ATG5: variants seen among roughly 807,000 people sequenced by gnomAD.
ATG5 encodes autophagy related 5.
ATG5 carries 14 observed loss-of-function variants against 36.5 expected under a neutral mutation model. That is an observed-to-expected ratio of 0.38 (90% CI 0.25 to 0.60). The LOEUF (loss-of-function observed/expected upper bound fraction) is 0.60, where lower values mean the gene tolerates loss of function less well. Ranked by LOEUF, ATG5 falls within the 20% of genes least tolerant of loss-of-function variation. The pLI is 0.60. For synonymous variants in ATG5, 95 were observed against 101.5 expected (o/e 0.94, Z 0.38); for missense variants, 195 against 326.7 (o/e 0.60, Z 3.11).
intron 6 of ATG5, among the ~76,000 whole-genome samples, chr6:106,232,973 C>T (rs1007165857): frequency 6.6e-6 from 1 of 152,190 alleles, no homozygotes; most frequent in African/African-American, 2.4e-5. Flanking sequence ...GGATAGCCCC[C>T]ATCTATTTGG....
intron 6 of ATG5, among the ~76,000 whole-genome samples, chr6:106,209,347 A>T (rs942444886): frequency 1.3e-5 from 2 of 152,244 alleles, no homozygotes; most frequent in African/African-American, 4.8e-5. Context: ...CTACTCAGCA[A>T]TAAAAAGGAA....
intron 5 of ATG5, among the ~76,000 whole-genome samples, chr6:106,260,439 T>G (rs1190034111): frequency 6.6e-6 from 1 of 152,204 alleles, no homozygotes; most frequent in Admixed American, 6.5e-5. Context: ...CTCCAGGAAC[T>G]TAAGCATAGT....
chr6:106,200,951 A>G (rs1434915180), intron 7 of ATG5, among the ~76,000 whole-genome samples: 1 of 152,168 alleles, frequency 6.6e-6, no homozygotes, highest in Admixed American at 6.6e-5. Flanking sequence ...CCCTGAGGAT[A>G]CCAAAATCCA....
At chr6:106,240,220 T>A (rs900767957) in intron 6 of ATG5, among the ~76,000 whole-genome samples, 11 of 151,430 alleles carry the variant, frequency 7.3e-5, no homozygotes, top group African/African-American at 2.7e-4. Context: ...ATATTTGATA[T>A]ATATTTATAT....
chr6:106,193,249 G>A (rs1482060244), intron 7 of ATG5, among the ~76,000 whole-genome samples: 4 of 152,096 alleles, frequency 2.6e-5, no homozygotes, highest in South Asian at 2.1e-4. Flanking sequence ...AACTTCTTCC[G>A]GATGCATACT....
intron 5 of ATG5, among the ~76,000 whole-genome samples, chr6:106,265,997 G>C (rs979058504): frequency 1.3e-5 from 2 of 150,400 alleles, no homozygotes; most frequent in African/African-American, 4.9e-5. Flanking sequence ...ATTAAGATCA[G>C]AGCAGAATTG....
intron 5 of ATG5, among the ~76,000 whole-genome samples, chr6:106,264,155 C>G (rs899571165): frequency 1.3e-5 from 2 of 152,014 alleles, no homozygotes; most frequent in African/African-American, 4.8e-5. Flanking sequence ...CACAAATGAC[C>G]TGATGGAGCT....
chr6:106,312,904 C>CAG (rs1218146263), intron 2 of ATG5, among the ~76,000 whole-genome samples: 4 of 152,122 alleles, frequency 2.6e-5, no homozygotes, highest in Non-Finnish European at 5.9e-5. Context: ...AGGTGGAAGG[C>CAG]AGAGAATGAC....
intron 5 of ATG5, among the ~76,000 whole-genome samples, chr6:106,275,252 T>G (rs1441566999): frequency 6.6e-6 from 1 of 152,190 alleles, no homozygotes; most frequent in African/African-American, 2.4e-5. Context: ...ATTCAGCATT[T>G]TACTCCAAAA....
intron 6 of ATG5, among the ~76,000 whole-genome samples, chr6:106,239,460 A>G (rs967615960): frequency 6.6e-6 from 1 of 152,210 alleles, no homozygotes; most frequent in East Asian, 1.9e-4. Context: ...ACAGGACACT[A>G]TGGGGAACTG....
intron 5 of ATG5, among the ~76,000 whole-genome samples, chr6:106,250,790 G>A (rs1055655362): frequency 6.6e-6 from 1 of 152,176 alleles, no homozygotes; most frequent in Non-Finnish European, 1.5e-5. Context: ...TCTCATAAAA[G>A]TAAACTGGAA....
At chr6:106,200,085 A>G (rs1204357264) in intron 7 of ATG5, among the ~76,000 whole-genome samples, 3 of 152,162 alleles carry the variant, frequency 2.0e-5, no homozygotes, top group Non-Finnish European at 1.5e-5. Context: ...GTTCATTTTT[A>G]AAGCATTACA....
chr6:106,219,716 T>G (rs1009883974), intron 6 of ATG5, among the ~76,000 whole-genome samples: 1 of 152,170 alleles, frequency 6.6e-6, no homozygotes, highest in Admixed American at 6.5e-5. Flanking sequence ...TATCGACAGA[T>G]GGCTATATAT....
At chr6:106,298,692 T>G (rs1770081655) in intron 3 of ATG5, among the ~76,000 whole-genome samples, 1 of 152,244 alleles carries the variant, frequency 6.6e-6, no homozygotes, top group South Asian at 2.1e-4. Flanking sequence ...ATTTCTATTG[T>G]CAAATTCCAT....
intron 7 of ATG5, 80 bp downstream of exon 7, chr6:106,201,892 T>G: frequency 1.9e-6 from 2 of 1,030,184 alleles, no homozygotes; most frequent in Non-Finnish European, 2.8e-6. Flanking sequence ...AAATAACCTG[T>G]TGTTTATAAA....
At chr6:106,201,910 T>G (rs1021926936) in intron 7 of ATG5, 62 bp downstream of exon 7, 43 of 1,235,026 alleles carry the variant, frequency 3.5e-5, no homozygotes, top group Non-Finnish European at 4.7e-5. Flanking sequence ...AAATGTGGAA[T>G]GCTTATTTTA....
chr6:106,206,601 G>C (rs1776644979), intron 6 of ATG5, among the ~76,000 whole-genome samples: 1 of 147,402 alleles, frequency 6.8e-6, no homozygotes, highest in Admixed American at 6.9e-5. Context: ...AGTGAATCAA[G>C]ATCATGCCAT....
At chr6:106,259,681 TAA>T (rs1324208770) in intron 5 of ATG5, among the ~76,000 whole-genome samples, 1 of 152,164 alleles carries the variant, frequency 6.6e-6, no homozygotes, top group Non-Finnish European at 1.5e-5. Flanking sequence ...AAAAAATATG[TAA>T]AAGAGTTATA....
chr6:106,217,864 C>G (rs1161185675), intron 6 of ATG5, among the ~76,000 whole-genome samples: 1 of 150,342 alleles, frequency 6.7e-6, no homozygotes, highest in Non-Finnish European at 1.5e-5. Context: ...GCTGATACAT[C>G]CCAACAGTAT....
Sources: gnomAD v4.1 joint callset for allele counts (sites outside exome capture counted in the v4.1 genomes callset) on GRCh38, gnomAD v4.1.1 for gene constraint, MANE v1.5 for transcripts, NCBI Gene and HGNC (gene_info 2026-07-23, HGNC 2026-07-21) for gene names.